Variants in CGNL1 observed in about 807,000 individuals in gnomAD.
The protein encoded by CGNL1 is cingulin-like protein 1.
In CGNL1, 132 loss-of-function variants were observed where a neutral mutation model predicts 141.2. That is an observed-to-expected ratio of 0.93 (90% CI 0.81 to 1.08). The LOEUF is 1.08. Ranked by LOEUF, CGNL1 falls within the 50% of genes least tolerant of loss-of-function variation. CGNL1 has a pLI of 0.00. For missense variants in CGNL1, 1,870 were observed against 1,588.6 expected (o/e 1.18, Z -3.01); for synonymous variants, 690 against 622.1 (o/e 1.11, Z -1.63).
chr15:57,436,363 A>G (rs1484171115), intron 1 of CGNL1, among the ~76,000 whole-genome samples: 2 of 152,212 alleles, frequency 1.3e-5, no homozygotes, highest in African/African-American at 2.4e-5. Flanking sequence ...CACTTGGCCT[A>G]AGCTTTTGGG....
intron 1 of CGNL1, among the ~76,000 whole-genome samples, chr15:57,419,445 C>T (rs1334079704): frequency 6.6e-6 from 1 of 151,986 alleles, no homozygotes; most frequent in Non-Finnish European, 1.5e-5. Flanking sequence ...ATTTAATGTC[C>T]TTTTTCTGTT....
chr15:57,452,398 C>A, intron 6 of CGNL1, 109 bp downstream of exon 6: 1 of 1,022,724 alleles, frequency 9.8e-7, no homozygotes, highest in Non-Finnish European at 1.4e-6. Context: ...TTTATAAAGG[C>A]AGCTGGCTTT....
At chr15:57,437,782 C>T (rs941479366) in intron 1 of CGNL1, among the ~76,000 whole-genome samples, 13 of 152,166 alleles carry the variant, frequency 8.5e-5, no homozygotes, top group East Asian at 1.9e-4. Context: ...TCAGTGGCCA[C>T]GTGGGCTGAA....
intron 5 of CGNL1, 135 bp downstream of exon 5, chr15:57,451,736 TA>T: frequency 1.6e-6 from 1 of 636,452 alleles, no homozygotes; most frequent in Non-Finnish European, 2.7e-6. Flanking sequence ...AATCACTGAA[TA>T]AATTCCTGTG....
At chr15:57,424,256 C>G (rs2062949480) in intron 1 of CGNL1, among the ~76,000 whole-genome samples, 1 of 152,182 alleles carries the variant, frequency 6.6e-6, no homozygotes, top group Non-Finnish European at 1.5e-5. Flanking sequence ...CGGCTTAGAT[C>G]TCATCTTCTC....
intron 8 of CGNL1, among the ~76,000 whole-genome samples, chr15:57,498,063 C>T (rs2063967485): frequency 1.3e-5 from 2 of 152,136 alleles, no homozygotes; most frequent in Admixed American, 6.5e-5. Context: ...CTGCCTTTCC[C>T]TTCCCTCTGT....
At chr15:57,495,390 G>C (rs1001068525) in intron 8 of CGNL1, among the ~76,000 whole-genome samples, 1 of 152,184 alleles carries the variant, frequency 6.6e-6, no homozygotes, top group Non-Finnish European at 1.5e-5. Flanking sequence ...GCATTGAGCT[G>C]TCTTGTGGGA....
At chr15:57,447,465 G>C (rs892942246) in intron 4 of CGNL1, among the ~76,000 whole-genome samples, 1 of 152,140 alleles carries the variant, frequency 6.6e-6, no homozygotes, top group African/African-American at 2.4e-5. Flanking sequence ...ACCTCAGTTG[G>C]CTCCATTGGA....
intron 8 of CGNL1, among the ~76,000 whole-genome samples, chr15:57,472,567 A>G (rs1322288280): frequency 2.0e-5 from 3 of 152,134 alleles, no homozygotes; most frequent in Non-Finnish European, 4.4e-5. Flanking sequence ...TCATGCTGAC[A>G]CTTAGGATGG....
chr15:57,386,501 G>A (rs532671816), intron 1 of CGNL1, among the ~76,000 whole-genome samples: 14 of 152,250 alleles, frequency 9.2e-5, no homozygotes, highest in African/African-American at 2.6e-4. Context: ...ATAGTAGGAG[G>A]CCCCCCAAAT....
At chr15:57,398,328 T>C (rs1453455315) in intron 1 of CGNL1, 1 of 152,202 alleles carries the variant, frequency 6.6e-6, no homozygotes, top group Non-Finnish European at 1.5e-5. Context: ...GGGTTTTTTT[T>C]CCTGCAAGCA....
At chr15:57,404,755 G>A (rs1484538301) in intron 1 of CGNL1, among the ~76,000 whole-genome samples, 4 of 152,102 alleles carry the variant, frequency 2.6e-5, no homozygotes, top group Non-Finnish European at 5.9e-5. Flanking sequence ...CAAGAGGGGC[G>A]CCTGCTTTTG....
At chr15:57,442,214 A>T (rs1374741905) in intron 3 of CGNL1, among the ~76,000 whole-genome samples, 159 bp from the exon 4 acceptor site, 1 of 145,068 alleles carries the variant, frequency 6.9e-6, no homozygotes, top group Non-Finnish European at 1.5e-5. Context: ...GACACCATCC[A>T]TCCTACTCTC....
At chr15:57,474,139 A>G (rs2932192) in intron 8 of CGNL1, among the ~76,000 whole-genome samples, 146,913 of 152,034 alleles carry the variant, frequency 0.97, 71,136 homozygotes, top group Non-Finnish European at 1. Flanking sequence ...TCGAACTCTT[A>G]ACCTCAGGTG....
intron 1 of CGNL1, among the ~76,000 whole-genome samples, chr15:57,382,088 A>G (rs2062431150): frequency 6.6e-6 from 1 of 152,234 alleles, no homozygotes; most frequent in Non-Finnish European, 1.5e-5. Context: ...ATTCTAGAAT[A>G]AAACGAAGCT....
intron 8 of CGNL1, among the ~76,000 whole-genome samples, chr15:57,485,060 A>G (rs180832471): frequency 4.0e-5 from 6 of 151,704 alleles, no homozygotes; most frequent in South Asian, 4.2e-4. Flanking sequence ...TCGATTATTG[A>G]ATTCAGACTT....
At chr15:57,510,977 A>T (rs1440271507) in intron 8 of CGNL1, among the ~76,000 whole-genome samples, 1 of 151,830 alleles carries the variant, frequency 6.6e-6, no homozygotes, top group Non-Finnish European at 1.5e-5. Context: ...GGGTTTCCAG[A>T]GGCTGGAGGA....
chr15:57,541,388 T>A (rs538009566), intron 14 of CGNL1, among the ~76,000 whole-genome samples: 1 of 152,350 alleles, frequency 6.6e-6, no homozygotes, highest in East Asian at 1.9e-4. Context: ...TGTCAGTGGC[T>A]GGTTCAGAAA....
At chr15:57,507,419 T>C (rs1405006206) in intron 8 of CGNL1, among the ~76,000 whole-genome samples, 1 of 152,188 alleles carries the variant, frequency 6.6e-6, no homozygotes, top group African/African-American at 2.4e-5. Context: ...TCTTAACTAG[T>C]TTTTTTAAAG....
Sources: gnomAD v4.1 joint callset for allele counts (sites outside exome capture counted in the v4.1 genomes callset) on GRCh38, gnomAD v4.1.1 for gene constraint, MANE v1.5 for transcripts, NCBI Gene and HGNC (gene_info 2026-07-23, HGNC 2026-07-21) for gene names.